Variants in GPM6A observed in about 807,000 individuals in gnomAD.
GPM6A encodes the protein glycoprotein M6A.
Under a neutral mutation model 32.1 loss-of-function variants are expected in GPM6A, and 7 were observed. The ratio of observed to expected loss-of-function variants is 0.22; its 90% CI spans 0.12 to 0.41. GPM6A has a LOEUF of 0.41. GPM6A is among the 10% of genes least tolerant of loss of function. The probability of loss-of-function intolerance (pLI) is 1.00; values close to 1 mark genes in which losing one functional copy is unlikely to be tolerated. For missense variants in GPM6A, 235 were observed against 347.2 expected (o/e 0.68, Z 2.57); for synonymous variants, 130 against 123.4 (o/e 1.05, Z -0.35).
chr4:175,752,452 C>T (rs1056662253), intron 1 of GPM6A, among the ~76,000 whole-genome samples: 1 of 152,090 alleles, frequency 6.6e-6, no homozygotes, highest in Non-Finnish European at 1.5e-5. Context: ...TAATTATTGT[C>T]TCCTGGTCTT....
At chr4:175,910,579 G>C (rs1738283699) in intron 1 of GPM6A, among the ~76,000 whole-genome samples, 1 of 152,050 alleles carries the variant, frequency 6.6e-6, no homozygotes, top group Non-Finnish European at 1.5e-5. Flanking sequence ...ATATAAAGCA[G>C]GTGTGCTCTT....
intron 1 of GPM6A, among the ~76,000 whole-genome samples, chr4:175,856,933 G>C (rs368821271): frequency 6.6e-6 from 1 of 152,066 alleles, no homozygotes; most frequent in African/African-American, 2.4e-5. Flanking sequence ...GGTAGCATTC[G>C]GGCAGGAAAA....
intron 1 of GPM6A, among the ~76,000 whole-genome samples, chr4:175,970,160 T>C (rs1212357248): frequency 6.6e-6 from 1 of 152,210 alleles, no homozygotes; most frequent in African/African-American, 2.4e-5. Context: ...TAAAACTATT[T>C]TGCCCTTGCA....
intron 1 of GPM6A, among the ~76,000 whole-genome samples, chr4:175,702,705 C>G (rs1191558370): frequency 6.6e-6 from 1 of 152,070 alleles, no homozygotes; most frequent in African/African-American, 2.4e-5. Flanking sequence ...TTAGTAGAGA[C>G]AGGGTTTCAC....
chr4:175,965,708 G>A (rs748207786), intron 1 of GPM6A, among the ~76,000 whole-genome samples: 1 of 151,672 alleles, frequency 6.6e-6, no homozygotes, highest in Non-Finnish European at 1.5e-5. Flanking sequence ...CTGCCTCCCA[G>A]GTTCAAGAGA....
intron 1 of GPM6A, among the ~76,000 whole-genome samples, chr4:175,811,020 C>T (rs1377676148): frequency 6.6e-6 from 1 of 151,962 alleles, no homozygotes; most frequent in South Asian, 2.1e-4. Flanking sequence ...TATATAAAAC[C>T]TTCATGTATT....
At chr4:175,796,940 G>C (rs1173463540) in intron 1 of GPM6A, among the ~76,000 whole-genome samples, 1 of 151,762 alleles carries the variant, frequency 6.6e-6, no homozygotes, top group Non-Finnish European at 1.5e-5. Flanking sequence ...TTTCTGATAA[G>C]TCCTGAATTG....
chr4:175,701,042 A>C (rs889231260), intron 2 of GPM6A, among the ~76,000 whole-genome samples: 3 of 152,242 alleles, frequency 2.0e-5, no homozygotes, highest in Non-Finnish European at 4.4e-5. Flanking sequence ...TGTTTGAAAA[A>C]AAAGGTTGCT....
intron 1 of GPM6A, among the ~76,000 whole-genome samples, chr4:175,837,966 A>G (rs1735819060): frequency 6.6e-6 from 1 of 152,022 alleles, no homozygotes; most frequent in Non-Finnish European, 1.5e-5. Context: ...TTTGAATAAA[A>G]TCTGCTTTTA....
chr4:175,974,476 C>T (rs1317231972), intron 1 of GPM6A, among the ~76,000 whole-genome samples: 1 of 152,140 alleles, frequency 6.6e-6, no homozygotes, highest in Non-Finnish European at 1.5e-5. Flanking sequence ...CAGCCTCAGC[C>T]TCCTGAGTAG....
At chr4:175,810,109 T>C (rs1175178035) in intron 1 of GPM6A, among the ~76,000 whole-genome samples, 2 of 152,200 alleles carry the variant, frequency 1.3e-5, no homozygotes, top group Non-Finnish European at 2.9e-5. Context: ...ATTAAGTCTC[T>C]CCACCTAAAC....
chr4:175,802,806 A>C (rs1235024576), intron 1 of GPM6A, among the ~76,000 whole-genome samples: 2 of 152,158 alleles, frequency 1.3e-5, no homozygotes, highest in East Asian at 3.8e-4. Context: ...TGAATCTGAC[A>C]GTTTAATGTA....
chr4:175,967,582 A>G (rs1366868155), intron 1 of GPM6A, among the ~76,000 whole-genome samples: 1 of 152,208 alleles, frequency 6.6e-6, no homozygotes. Flanking sequence ...TCTGCAGGAT[A>G]CCAGGTTAAT....
chr4:175,737,347 C>T (rs544496539), intron 1 of GPM6A, among the ~76,000 whole-genome samples: 2 of 151,800 alleles, frequency 1.3e-5, no homozygotes, highest in Admixed American at 1.3e-4. Flanking sequence ...TAATCCTGCA[C>T]GCCTGTAATC....
chr4:175,990,081 C>T (rs1461975413), intron 1 of GPM6A, among the ~76,000 whole-genome samples: 6 of 152,108 alleles, frequency 3.9e-5, no homozygotes, highest in Admixed American at 3.9e-4. Flanking sequence ...TGGAAGTTAC[C>T]AGAATTGTGA....
chr4:175,972,667 A>G (rs1740543609), intron 1 of GPM6A, among the ~76,000 whole-genome samples: 1 of 152,332 alleles, frequency 6.6e-6, no homozygotes, highest in South Asian at 2.1e-4. Flanking sequence ...TAAAATATAA[A>G]ATATCACATT....
chr4:175,749,905 T>C (rs984643541), intron 1 of GPM6A, among the ~76,000 whole-genome samples: 2 of 152,162 alleles, frequency 1.3e-5, no homozygotes, highest in African/African-American at 4.8e-5. Flanking sequence ...TTCTGTGTCC[T>C]TTGTGGTCTA....
chr4:175,907,312 C>G (rs1738161467), intron 1 of GPM6A: 1 of 152,102 alleles, frequency 6.6e-6, no homozygotes, highest in Admixed American at 6.6e-5. Context: ...ATCTCAATCC[C>G]AACTAAATCC....
chr4:175,867,860 C>T (rs1207778484), intron 1 of GPM6A, among the ~76,000 whole-genome samples: 1 of 152,148 alleles, frequency 6.6e-6, no homozygotes, highest in Non-Finnish European at 1.5e-5. Flanking sequence ...CTGATCATAT[C>T]CCAGCACATT....
Sources: allele counts gnomAD v4.1 joint callset (sites outside exome capture counted in the v4.1 genomes callset), GRCh38; gene constraint gnomAD v4.1.1; transcripts MANE v1.5; gene names NCBI Gene and HGNC (gene_info 2026-07-23, HGNC 2026-07-21).